Variants in ITFG1 observed in about 807,000 individuals in gnomAD.
ITFG1 encodes integrin alpha FG-GAP repeat containing 1.
ITFG1 carries 34 observed loss-of-function variants against 81.8 expected under a neutral mutation model. The ratio of observed to expected loss-of-function variants is 0.42; its 90% CI spans 0.32 to 0.55. The LOEUF (loss-of-function observed/expected upper bound fraction) is 0.55, where lower values mean the gene tolerates loss of function less well. ITFG1 is among the 20% of genes least tolerant of loss of function. ITFG1 has a pLI of 0.17. For missense variants in ITFG1, 672 were observed against 755.4 expected (o/e 0.89, Z 1.29); for synonymous variants, 285 against 270.6 (o/e 1.05, Z -0.52).
intron 6 of ITFG1, among the ~76,000 whole-genome samples, chr16:47,391,510 C>G (rs979743814): frequency 1.3e-5 from 2 of 152,118 alleles, no homozygotes; most frequent in Admixed American, 1.3e-4. Context: ...ATGCCCTGGG[C>G]CTAACAACTC....
chr16:47,441,511 A>C (rs1391464549), intron 5 of ITFG1, among the ~76,000 whole-genome samples: 1 of 152,236 alleles, frequency 6.6e-6, no homozygotes, highest in Non-Finnish European at 1.5e-5. Flanking sequence ...CCTGGGATGC[A>C]AGGCTGGTTC....
chr16:47,309,574 C>T (rs1403270799), intron 10 of ITFG1, among the ~76,000 whole-genome samples: 1 of 152,202 alleles, frequency 6.6e-6, no homozygotes, highest in Admixed American at 6.5e-5. Flanking sequence ...TACTTCTCAT[C>T]TGTGATGGAA....
rs560579223 is a variant in ITFG1 at position 47,363,814 on chromosome 16, T to C, written c.802+1974A>G. Among the ~76,000 whole-genome samples, 4 of 152,340 alleles carry C rather than the reference T, an allele frequency of 2.6e-5. No individual in the cohort carries two copies. In the South Asian group the frequency reaches 6.2e-4, roughly 24 times the overall value. ...AAACCATTATTACCCTTTGGCTCTG[T>C]TCCTTTCTAGTCTTCTCTTTTTTTT... On this transcript the variant is annotated intron_variant, in intron 8 of 17. Transcript: ENST00000320640.
intron 8 of ITFG1, among the ~76,000 whole-genome samples, chr16:47,361,436 T>A (rs1392836264): frequency 3.3e-4 from 51 of 152,294 alleles, no homozygotes; most frequent in Non-Finnish European, 6.0e-4. Context: ...AGATAACACC[T>A]TATTTATAGG....
chr16:47,434,679 T>C (rs1969143001), intron 5 of ITFG1, among the ~76,000 whole-genome samples: 2 of 152,160 alleles, frequency 1.3e-5, no homozygotes, highest in African/African-American at 4.8e-5. Flanking sequence ...TACCATTTGA[T>C]CTACCAATCC....
chr16:47,277,273 A>T (rs1187733750), intron 10 of ITFG1, among the ~76,000 whole-genome samples: 1 of 152,206 alleles, frequency 6.6e-6, no homozygotes, highest in East Asian at 1.9e-4. Flanking sequence ...TAATTTCCCA[A>T]ATTGTAAAAA....
intron 13 of ITFG1, among the ~76,000 whole-genome samples, chr16:47,221,927 T>G (rs537677932): frequency 6.2e-4 from 95 of 152,276 alleles, no homozygotes; most frequent in Non-Finnish European, 1.1e-3. Context: ...GATCGGTGGT[T>G]ATATCCCCTT....
intron 12 of ITFG1, among the ~76,000 whole-genome samples, chr16:47,249,557 A>C (rs1410360324): frequency 2.0e-5 from 3 of 152,222 alleles, no homozygotes; most frequent in Non-Finnish European, 4.4e-5. Flanking sequence ...TTAAAGATTA[A>C]AAAAATATGA....
intron 7 of ITFG1, among the ~76,000 whole-genome samples, chr16:47,370,224 A>C (rs1968234241): frequency 6.6e-6 from 1 of 152,160 alleles, no homozygotes; most frequent in African/African-American, 2.4e-5. Context: ...CCGACCTTCA[A>C]ACCAAAGAAA....
chr16:47,446,060 A>G (rs542690152), intron 5 of ITFG1, among the ~76,000 whole-genome samples: 1 of 151,748 alleles, frequency 6.6e-6, no homozygotes, highest in East Asian at 1.9e-4. Context: ...GTAAGAAAGA[A>G]AAAAAAAAGA....
intron 8 of ITFG1, among the ~76,000 whole-genome samples, chr16:47,358,347 A>T (rs1009375615): frequency 2.6e-4 from 39 of 152,246 alleles, no homozygotes; most frequent in Non-Finnish European, 4.6e-4. Flanking sequence ...GAAAAAACAA[A>T]AGGATATTAA....
chr16:47,175,411 G>C (rs1965012824), intron 14 of ITFG1, among the ~76,000 whole-genome samples: 1 of 151,582 alleles, frequency 6.6e-6, no homozygotes, highest in Non-Finnish European at 1.5e-5. Flanking sequence ...GAAAAGTGAA[G>C]CTAAGACTCT....
chr16:47,222,358 C>T (rs2151528352), intron 13 of ITFG1, among the ~76,000 whole-genome samples: 1 of 151,178 alleles, frequency 6.6e-6, no homozygotes, highest in Non-Finnish European at 1.5e-5. Context: ...AGTAGTCATT[C>T]AGGAGCAGGT....
At chr16:47,239,076 G>C (rs1449937759) in intron 12 of ITFG1, among the ~76,000 whole-genome samples, 1 of 152,170 alleles carries the variant, frequency 6.6e-6, no homozygotes, top group Non-Finnish European at 1.5e-5. Context: ...TGGCAACAAG[G>C]TGCCATTTTT....
chr16:47,352,112 A>C (rs113963972), intron 8 of ITFG1, among the ~76,000 whole-genome samples: 6 of 152,096 alleles, frequency 3.9e-5, no homozygotes, highest in Admixed American at 3.9e-4. Flanking sequence ...AACCCTAGAA[A>C]AAACCTAGAC....
intron 16 of ITFG1, among the ~76,000 whole-genome samples, chr16:47,159,434 A>G (rs1964765888): frequency 6.6e-6 from 1 of 152,186 alleles, no homozygotes; most frequent in Admixed American, 6.5e-5. Context: ...GACCTGTGTC[A>G]CATATATAAT....
intron 5 of ITFG1, among the ~76,000 whole-genome samples, chr16:47,450,984 G>A (rs1969381464): frequency 6.6e-6 from 1 of 152,106 alleles, no homozygotes; most frequent in South Asian, 2.1e-4. Context: ...TTACTAGACC[G>A]TTATTGACTG....
intron 14 of ITFG1, among the ~76,000 whole-genome samples, chr16:47,168,347 T>G (rs1964918553): frequency 6.6e-6 from 1 of 152,114 alleles, no homozygotes; most frequent in Non-Finnish European, 1.5e-5. Flanking sequence ...TTGCAAATAT[T>G]TTCTCCCTTT....
chr16:47,235,678 TAACTC>T (rs1356917644), intron 13 of ITFG1, among the ~76,000 whole-genome samples: 6 of 152,200 alleles, frequency 3.9e-5, no homozygotes, highest in Non-Finnish European at 4.4e-5. Context: ...ACTCATGAAT[TAACTC>T]AAGTGGTAAA....
Sources: gnomAD v4.1 joint callset for allele counts (sites outside exome capture counted in the v4.1 genomes callset) on GRCh38, gnomAD v4.1.1 for gene constraint, MANE v1.5 for transcripts, NCBI Gene and HGNC (gene_info 2026-07-23, HGNC 2026-07-21) for gene names.